Variants in SDHC observed in about 807,000 individuals in gnomAD.
SDHC encodes succinate dehydrogenase complex subunit C, also known as succinate dehydrogenase cytochrome b560 subunit, mitochondrial.
A neutral mutation model predicts 22.6 loss-of-function variants in SDHC; 11 were observed. The ratio of observed to expected loss-of-function variants is 0.49; its 90% CI spans 0.31 to 0.81. SDHC has a LOEUF of 0.81. SDHC is among the 30% of genes least tolerant of loss of function. The pLI, the probability that SDHC is intolerant of heterozygous loss-of-function variation, is 0.05. For synonymous variants in SDHC, 80 were observed against 77.8 expected, an observed-to-expected ratio of 1.03 and a Z score of -0.15; for missense variants, 160 against 212.0, an observed-to-expected ratio of 0.75 and a Z score of 1.52.
chr1:161,318,777 T>TA (rs1670723566), intron 1 of SDHC, among the ~76,000 whole-genome samples: 1 of 152,176 alleles, frequency 6.6e-6, no homozygotes, highest in African/African-American at 2.4e-5. Context: ...CTCATGCCTG[T>TA]AATGCCAGCA....
chr1:161,346,133 G>T (rs1671888689), intron 4 of SDHC, among the ~76,000 whole-genome samples: 1 of 152,128 alleles, frequency 6.6e-6, no homozygotes. Flanking sequence ...AGACTGTAAA[G>T]TCTTCAAAGA....
chr1:161,324,438 A>G (rs541118247), intron 2 of SDHC, among the ~76,000 whole-genome samples: 1 of 152,238 alleles, frequency 6.6e-6, no homozygotes, highest in African/African-American at 2.4e-5. Context: ...TGATGTCAAC[A>G]ATTGCCTTTG....
chr1:161,356,046 C>T (rs76887670), intron 4 of SDHC, among the ~76,000 whole-genome samples: 2,271 of 149,062 alleles, frequency 0.015, 24 homozygotes, highest in South Asian at 0.027. Context: ...GGACTGAGTA[C>T]ACTGTTTTTA....
chr1:161,359,840 G>C (rs1443330542), intron 5 of SDHC, among the ~76,000 whole-genome samples: 1 of 152,130 alleles, frequency 6.6e-6, no homozygotes, highest in Non-Finnish European at 1.5e-5. Context: ...GAGTGAAAGA[G>C]TAGGATGTTA....
chr1:161,362,302 T>C (rs200068284), intron 5 of SDHC, 27 bp from the exon 6 acceptor site: 15 of 143,714 alleles, frequency 1.0e-4, no homozygotes, highest in Non-Finnish European at 2.1e-4. Context: ...CTGAAATTCC[T>C]TTTTTTTTTT....
chr1:161,333,383 T>C (rs1255094642), intron 3 of SDHC, among the ~76,000 whole-genome samples: 1 of 151,728 alleles, frequency 6.6e-6, no homozygotes, highest in African/African-American at 2.4e-5. Flanking sequence ...TTGCATCATA[T>C]GGTAACTCTA....
rs748120641 is a variant in SDHC at position 161,362,350 on chromosome 1, C to T, written c.427C>T (p.Leu143=). 1 of 1,613,194 alleles carries T rather than the reference C, an allele frequency of 6.2e-7. No individual in the cohort carries two copies. Among genetic ancestry groups the T allele is most frequent in the Non-Finnish European group, 8.5e-7 (1 of 1,179,798 alleles). Residue 143 remains leucine (L), a synonymous_variant, in exon 6 of 6, where the codon CTG becomes TTG. Transcript: ENST00000367975. Reference sequence around the variant, plus strand: ...ACAGATGTGGGACCTAGGAAAAGGCCTGAAGATTCCCCAGCTATACCAGTC... The same window carrying T: ...ACAGATGTGGGACCTAGGAAAAGGCTTGAAGATTCCCCAGCTATACCAGTC... The part of the protein sequence containing the change: ...RHLMWDLGKG[L]KIPQLYQSGV...
chr1:161,349,202 C>T (rs1375991107), intron 4 of SDHC, among the ~76,000 whole-genome samples: 1 of 152,158 alleles, frequency 6.6e-6, no homozygotes, highest in Non-Finnish European at 1.5e-5. Flanking sequence ...GTGGCTCACG[C>T]TTGTAAACCC....
intron 5 of SDHC, among the ~76,000 whole-genome samples, chr1:161,358,968 G>A (rs1384772997): frequency 6.6e-6 from 1 of 151,590 alleles, no homozygotes; most frequent in South Asian, 2.1e-4. Context: ...AGCTGGGGGT[G>A]GTGGCATGTG....
intron 4 of SDHC, among the ~76,000 whole-genome samples, chr1:161,341,585 A>G (rs879441902): frequency 6.6e-6 from 1 of 152,186 alleles, no homozygotes; most frequent in Admixed American, 6.5e-5. Flanking sequence ...TTTAAAAATT[A>G]TGTCTGGCTG....
chr1:161,332,851 T>A (rs1236711445), intron 3 of SDHC, among the ~76,000 whole-genome samples: 1 of 152,166 alleles, frequency 6.6e-6, no homozygotes, highest in Admixed American at 6.5e-5. Flanking sequence ...CAGGCTGGTC[T>A]TGAACTCCTG....
chr1:161,336,194 C>CAT (rs1168555864), intron 3 of SDHC, among the ~76,000 whole-genome samples: 2 of 152,176 alleles, frequency 1.3e-5, no homozygotes, highest in Admixed American at 1.3e-4. Context: ...TGCGGTGGCT[C>CAT]ATGCCTGTAA....
chr1:161,314,619 C>T, intron 1 of SDHC, 194 bp downstream of exon 1: 1 of 639,280 alleles, frequency 1.6e-6, no homozygotes, highest in African/African-American at 1.8e-5. Context: ...CTCCGTAGGG[C>T]TTCGGGGTCA....
chr1:161,337,019 G>A (rs1015875421), intron 3 of SDHC, among the ~76,000 whole-genome samples: 1 of 150,834 alleles, frequency 6.6e-6, no homozygotes, highest in African/African-American at 2.4e-5. Context: ...ATAGACACAC[G>A]CCACCATGTC....
chr1:161,331,349 C>T (rs1283551126), intron 3 of SDHC, among the ~76,000 whole-genome samples: 1 of 151,750 alleles, frequency 6.6e-6, no homozygotes, highest in African/African-American at 2.4e-5. Context: ...CTCATTGCAA[C>T]CTCCGCCTCC....
Position 161,362,525 on chromosome 1 carries a change from C to T in SDHC, c.*92C>T, listed in dbSNP as rs767914658. The T allele has an allele frequency of 1.2e-6, 2 of 1,608,840 alleles. No homozygotes were observed. The highest frequency in any genetic ancestry group is 8.5e-7 in the Non-Finnish European group (1 of 1,177,850). ...TCTTATCTCCAGCCTGGGAAAAGTTCTCCTTATTTGTTTAGATCCTTTTGT... is the reference window on the plus strand; with the variant it reads ...TCTTATCTCCAGCCTGGGAAAAGTTTTCCTTATTTGTTTAGATCCTTTTGT... On this transcript the variant is annotated 3_prime_UTR_variant, in exon 6 of 6. Transcript: ENST00000367975.
At chr1:161,314,607 C>A in intron 1 of SDHC, 182 bp downstream of exon 1, 2 of 695,508 alleles carry the variant, frequency 2.9e-6, no homozygotes, top group South Asian at 1.7e-5. Context: ...CGCTCCGGTG[C>A]GCTCCGTAGG....
chr1:161,339,039 G>A (rs1040659293), intron 3 of SDHC, among the ~76,000 whole-genome samples: 2 of 152,016 alleles, frequency 1.3e-5, no homozygotes, highest in Admixed American at 1.3e-4. Flanking sequence ...TAGTAGAGAT[G>A]GGGTTTCACC....
At chr1:161,332,666 T>G (rs1671323975) in intron 3 of SDHC, among the ~76,000 whole-genome samples, 1 of 151,020 alleles carries the variant, frequency 6.6e-6, no homozygotes, top group African/African-American at 2.4e-5. Flanking sequence ...GGAGTCTCGC[T>G]CTGTTGCCCA....
Sources: gnomAD v4.1 joint callset for allele counts (sites outside exome capture counted in the v4.1 genomes callset) on GRCh38, gnomAD v4.1.1 for gene constraint, MANE v1.5 for transcripts, NCBI Gene and HGNC (gene_info 2026-07-23, HGNC 2026-07-21) for gene names.